The following TEX10 variants were observed in gnomAD, a reference collection of about 807,000 sequenced individuals.
The protein encoded by TEX10 is testis expressed 10, also known as testis-expressed protein 10.
TEX10 carries 24 observed loss-of-function variants against 104.4 expected under a neutral mutation model. That is an observed-to-expected ratio of 0.23 (90% CI 0.17 to 0.32). TEX10 has a LOEUF of 0.32. Ranked by LOEUF, TEX10 falls within the 10% of genes least tolerant of loss-of-function variation. The pLI, the probability that TEX10 is intolerant of heterozygous loss-of-function variation, is 1.00. For missense variants in TEX10, 921 were observed against 1,083.9 expected (o/e 0.85, Z 2.11); for synonymous variants, 396 against 393.4 (o/e 1.01, Z -0.08).
chr9:100,307,766 T>G (rs1053138394), intron 13 of TEX10: 3 of 152,150 alleles, frequency 2.0e-5, no homozygotes, highest in Non-Finnish European at 4.4e-5. Context: ...TAAATGGAGG[T>G]TCAGTTTATA....
chr9:100,326,553 T>C, intron 8 of TEX10, 74 bp from the exon 9 acceptor site: 1 of 1,408,670 alleles, frequency 7.1e-7, no homozygotes, highest in Non-Finnish European at 9.5e-7. Context: ...AGCAGATCAA[T>C]GACTTCCATT....
intron 5 of TEX10, among the ~76,000 whole-genome samples, chr9:100,330,776 A>C (rs908876248): frequency 2.6e-5 from 4 of 152,256 alleles, no homozygotes; most frequent in Non-Finnish European, 5.9e-5. Flanking sequence ...CTCATTTCAG[A>C]CTGTGGTATA....
At chr9:100,310,214 T>A in intron 12 of TEX10, 85 bp downstream of exon 12, 1 of 1,061,736 alleles carries the variant, frequency 9.4e-7, no homozygotes, top group Non-Finnish European at 1.4e-6. Context: ...ATTCCAGACA[T>A]GCTCTTTCTG....
intron 11 of TEX10, among the ~76,000 whole-genome samples, chr9:100,317,536 T>C (rs532379972): frequency 1.8e-4 from 27 of 152,162 alleles, no homozygotes; most frequent in Non-Finnish European, 2.8e-4. Context: ...ATAAAAATAA[T>C]AAGAATCTAC....
chr9:100,339,135 T>A, intron 5 of TEX10, among the ~76,000 whole-genome samples: 1 of 145,260 alleles, frequency 6.9e-6, no homozygotes, highest in East Asian at 2.1e-4. Flanking sequence ...ACACTTGTAA[T>A]CCCAGCTACT....
chr9:100,336,732 C>T (rs991233975), intron 5 of TEX10, among the ~76,000 whole-genome samples: 1 of 152,130 alleles, frequency 6.6e-6, no homozygotes. Context: ...CATTGTTTTC[C>T]ATGAAACTAG....
Position 100,308,541 on chromosome 9 carries a change from C to G in TEX10, c.2424G>C (p.Leu808=), listed in dbSNP as rs1235198958. The change falls in exon 13 of 15, where the codon CTG becomes CTC. Residue 808 remains leucine (L), a synonymous_variant. Coordinates refer to ENST00000374902, the MANE Select transcript of TEX10 (RefSeq NM_017746.4). The stretch of plus-strand genomic sequence containing the variant: ...CTGCTTCCCCTTTCTCTATAGTGAG[C>G]AGAAAATAAAGAAGACTGTAGCAAC... The part of the protein sequence containing the change: ...ASCCYSLLYF[L]LTIEKGEAEH... 2.5e-6 allele frequency: 4 copies of G among 1,610,802 alleles called. No homozygotes were observed. Among genetic ancestry groups the G allele is most frequent in the Non-Finnish European group, 3.4e-6 (4 of 1,178,734 alleles).
intron 11 of TEX10, among the ~76,000 whole-genome samples, chr9:100,318,306 T>C (rs1834471580): frequency 6.6e-6 from 1 of 152,230 alleles, no homozygotes; most frequent in South Asian, 2.1e-4. Context: ...AAATCATGCC[T>C]TCTGCAGCAA....
chr9:100,330,287 T>C (rs1029753141), intron 5 of TEX10, 118 bp from the exon 6 acceptor site: 16 of 795,010 alleles, frequency 2.0e-5, no homozygotes, highest in African/African-American at 5.2e-5. Flanking sequence ...AATTAATAGA[T>C]GGCCAAGAAG....
chr9:100,332,509 A>G (rs1187961031), intron 5 of TEX10, among the ~76,000 whole-genome samples: 1 of 152,216 alleles, frequency 6.6e-6, no homozygotes, highest in Non-Finnish European at 1.5e-5. Flanking sequence ...CAGTAAAGGT[A>G]GTATAGGTAA....
chr9:100,328,134 AT>A (rs1288032622), intron 7 of TEX10, among the ~76,000 whole-genome samples, 172 bp from the exon 8 acceptor site: 1 of 152,190 alleles, frequency 6.6e-6, no homozygotes, highest in East Asian at 1.9e-4. Context: ...TGCCAGCATC[AT>A]TTTCCAAGGC....
At chr9:100,317,046 C>T (rs986469415) in intron 11 of TEX10, among the ~76,000 whole-genome samples, 1 of 151,964 alleles carries the variant, frequency 6.6e-6, no homozygotes, top group African/African-American at 2.4e-5. Flanking sequence ...AGACTGACAT[C>T]GTTAAAATGA....
intron 3 of TEX10, 85 bp from the exon 4 acceptor site, chr9:100,346,400 T>C (rs1835299934): frequency 7.1e-7 from 1 of 1,417,790 alleles, no homozygotes; most frequent in Non-Finnish European, 9.4e-7. Flanking sequence ...TATAAAGTAC[T>C]AGTAAAATGA....
intron 14 of TEX10, among the ~76,000 whole-genome samples, chr9:100,302,935 C>CT (rs1302626920): frequency 6.8e-6 from 1 of 146,256 alleles, no homozygotes; most frequent in Admixed American, 6.8e-5. Context: ...ACCGCCCCCC[C>CT]CCCAAACTAA....
intron 9 of TEX10, among the ~76,000 whole-genome samples, chr9:100,324,052 A>C (rs2118872180): frequency 6.6e-6 from 1 of 152,224 alleles, no homozygotes; most frequent in South Asian, 2.1e-4. Flanking sequence ...TTTTTTTTAA[A>C]GATGGAGTCT....
intron 11 of TEX10, among the ~76,000 whole-genome samples, chr9:100,319,648 T>C (rs912053278): frequency 6.6e-6 from 1 of 151,664 alleles, no homozygotes; most frequent in African/African-American, 2.4e-5. Context: ...CTACTAAAAA[T>C]ACAAAAAATT....
rs182108104 is a variant in TEX10, at chr9:100,326,546, A to C, written c.1802-67T>G. On this transcript the variant is annotated intron_variant, in intron 8 of 14. Coordinates refer to ENST00000374902, the MANE Select transcript of TEX10 (RefSeq NM_017746.4). ...CATGCAAACCAGAGATTAATAAAGC[A>C]GATCAATGACTTCCATTGAATTATG... The C allele has an allele frequency of 8.9e-6, 13 of 1,467,316 alleles. No individual in the cohort carries two copies. In the Admixed American group the frequency reaches 3.2e-4, roughly 36 times the overall value. The allele number at this position is 1,467,316 out of a possible 1,614,324, so 90.9% of individuals were successfully genotyped here. A position where few individuals can be genotyped will look rare whatever the true frequency, so the allele number is the denominator to read the frequency against.
intron 11 of TEX10, among the ~76,000 whole-genome samples, chr9:100,315,304 GT>G: frequency 6.6e-6 from 1 of 152,064 alleles, no homozygotes; most frequent in Non-Finnish European, 1.5e-5. Flanking sequence ...TAAGTCTGAT[GT>G]TTCTTTGTAT....
In TEX10 at chr9:100,352,773, T is replaced by A; in HGVS notation, c.-11A>T. ...GCCCGACGGGCGACGGCCGCTTACC[T>A]GAGGACCCGGCCGCGGCCGGGGCGA... On this transcript the variant is annotated splice_region_variant and 5_prime_UTR_variant, in exon 1 of 15. Transcript: ENST00000374902. 2 of 1,103,262 alleles carry A rather than the reference T, an allele frequency of 1.8e-6. No individual in the cohort carries two copies. The highest frequency in any genetic ancestry group is 2.2e-6 in the Non-Finnish European group (2 of 907,576). 68.3% of individuals were successfully genotyped at this position (1,103,262 alleles called of 1,614,324 possible).
Sources: gnomAD v4.1 joint callset for allele counts (sites outside exome capture counted in the v4.1 genomes callset) on GRCh38, gnomAD v4.1.1 for gene constraint, MANE v1.5 for transcripts, NCBI Gene and HGNC (gene_info 2026-07-23, HGNC 2026-07-21) for gene names.